The following TRHDE variants were observed in gnomAD, a reference collection of about 807,000 sequenced individuals.
TRHDE encodes the protein thyrotropin releasing hormone degrading enzyme.
In TRHDE, 72 loss-of-function variants were observed where a neutral mutation model predicts 125.7. That is an observed-to-expected ratio of 0.57 (90% CI 0.47 to 0.70). The LOEUF is 0.70. Ranked by LOEUF, TRHDE falls within the 30% of genes least tolerant of loss-of-function variation. The pLI, the probability that TRHDE is intolerant of heterozygous loss-of-function variation, is 0.00. For missense variants in TRHDE, 1,110 were observed against 1,327.1 expected (o/e 0.84, Z 2.54); for synonymous variants, 509 against 509.1 (o/e 1.00, Z 0.00).
intron 3 of TRHDE, among the ~76,000 whole-genome samples, chr12:72,404,045 A>G (rs1166133158): frequency 1.3e-5 from 2 of 152,164 alleles, no homozygotes; most frequent in Non-Finnish European, 2.9e-5. Flanking sequence ...CTGTGTTTCT[A>G]TGATATGAGT....
At chr12:72,167,771 T>C (rs1876784407) in intron 2 of TRHDE, 1 of 152,230 alleles carries the variant, frequency 6.6e-6, no homozygotes, top group Admixed American at 6.5e-5. Context: ...GAAAATGTAA[T>C]GGGAGACATG....
intron 2 of TRHDE, among the ~76,000 whole-genome samples, chr12:72,108,580 A>G (rs567441974): frequency 5.8e-4 from 88 of 152,196 alleles, no homozygotes; most frequent in Non-Finnish European, 1.1e-3. Flanking sequence ...AGTTGCATTA[A>G]TGGAGGGCAA....
At chr12:72,575,964 C>T (rs1280075667) in intron 12 of TRHDE, among the ~76,000 whole-genome samples, 1 of 152,062 alleles carries the variant, frequency 6.6e-6, no homozygotes, top group African/African-American at 2.4e-5. Flanking sequence ...TGCTGCAAAA[C>T]AGAATTAAAT....
intron 2 of TRHDE, among the ~76,000 whole-genome samples, chr12:72,185,194 T>C (rs1877179217): frequency 2.0e-5 from 3 of 152,182 alleles, no homozygotes; most frequent in Admixed American, 6.5e-5. Flanking sequence ...CCCGGGCCAG[T>C]GGCTCCGGAG....
intron 3 of TRHDE, among the ~76,000 whole-genome samples, chr12:72,457,908 C>G (rs1261504309): frequency 6.6e-6 from 1 of 150,380 alleles, no homozygotes; most frequent in African/African-American, 2.4e-5. Flanking sequence ...TTTTCATACT[C>G]CCTTCTACTG....
At chr12:72,089,305 C>T (rs1451692524) in intron 1 of TRHDE, among the ~76,000 whole-genome samples, 1 of 152,184 alleles carries the variant, frequency 6.6e-6, no homozygotes, top group Admixed American at 6.5e-5. Context: ...CCAGAGAGAT[C>T]TTTAAAGACG....
Position 72,272,829 on chromosome 12 carries a change from C to A in TRHDE, c.186C>A (p.Asp62Glu), listed in dbSNP as rs374101133. ...GGGCTGGCAGCAGGGGGCTCTCCGACCCGTGGGCAGACTCAGTGGGAGTGC... is the reference window on the plus strand; with the variant it reads ...GGGCTGGCAGCAGGGGGCTCTCCGAACCGTGGGCAGACTCAGTGGGAGTGC... ...ALRAGSRGLS[D>E]PWADSVGVRP... is the part of the protein sequence containing the mutation. The change falls in exon 1 of 19, where the codon GAC becomes GAA. Residue 62 changes from aspartate to glutamate, a missense_variant. Coordinates refer to ENST00000261180, the MANE Select transcript of TRHDE (RefSeq NM_013381.3). The surrounding 1 kb of genome is among the most constrained non-coding windows in gnomAD (Gnocchi z 6.7). 2 of 1,580,608 alleles carry A rather than the reference C, an allele frequency of 1.3e-6. No homozygotes were observed. Among genetic ancestry groups the A allele is most frequent in the Non-Finnish European group, 1.7e-6 (2 of 1,169,760 alleles).
chr12:72,103,579 A>G (rs148133625), intron 1 of TRHDE, among the ~76,000 whole-genome samples: 1 of 152,246 alleles, frequency 6.6e-6, no homozygotes, highest in African/African-American at 2.4e-5. Context: ...CATGAGGAAT[A>G]GAGGCATCTA....
chr12:72,541,730 A>T (rs996609695), intron 6 of TRHDE, among the ~76,000 whole-genome samples: 14 of 151,428 alleles, frequency 9.2e-5, no homozygotes, highest in African/African-American at 2.9e-4. Flanking sequence ...GAGAAAAGTA[A>T]GGAGCAGAGA....
At chr12:72,599,615 G>T (rs951097293) in intron 12 of TRHDE, among the ~76,000 whole-genome samples, 17 of 152,040 alleles carry the variant, frequency 1.1e-4, no homozygotes, top group African/African-American at 4.1e-4. Flanking sequence ...CTGGATATTA[G>T]ATCTTTGTCA....
chr12:72,573,344 A>G (rs1870835472), intron 10 of TRHDE, among the ~76,000 whole-genome samples: 2 of 152,002 alleles, frequency 1.3e-5, no homozygotes, highest in Non-Finnish European at 2.9e-5. Flanking sequence ...AATTGTTTGA[A>G]TAAACACACT....
At chr12:72,575,208 T>C (rs369529432) in intron 10 of TRHDE, 47 bp from the exon 11 acceptor site, 332 of 1,589,668 alleles carry the variant, frequency 2.1e-4, no homozygotes, top group Non-Finnish European at 2.8e-4. Flanking sequence ...CTTCATTTCA[T>C]TTTAACTCTT....
At chr12:72,137,569 G>A (rs1385347099) in intron 2 of TRHDE, 1 of 152,214 alleles carries the variant, frequency 6.6e-6, no homozygotes, top group Non-Finnish European at 1.5e-5. Context: ...TTCAACAGAA[G>A]AGAGATTTGA....
intron 15 of TRHDE, among the ~76,000 whole-genome samples, chr12:72,647,616 T>A (rs956006031): frequency 2.6e-5 from 4 of 151,638 alleles, no homozygotes; most frequent in African/African-American, 9.7e-5. Flanking sequence ...GCCACAGACA[T>A]AAAGAGGATC....
chr12:72,527,689 A>AT (rs897507698), intron 6 of TRHDE, among the ~76,000 whole-genome samples: 1 of 151,978 alleles, frequency 6.6e-6, no homozygotes, highest in African/African-American at 2.4e-5. Context: ...CATTCCCATT[A>AT]TTTTTTCTTA....
At chr12:72,153,006 G>T (rs1170578216) in intron 2 of TRHDE, among the ~76,000 whole-genome samples, 1 of 152,128 alleles carries the variant, frequency 6.6e-6, no homozygotes, top group Non-Finnish European at 1.5e-5. Flanking sequence ...GTAGAATTCG[G>T]CTGTGAATCC....
At chr12:72,592,564 T>C (rs2367749) in intron 12 of TRHDE, among the ~76,000 whole-genome samples, 60,527 of 151,330 alleles carry the variant, frequency 0.4, 14,547 homozygotes, top group African/African-American at 0.67. Flanking sequence ...GATTTTTTTT[T>C]TCTCTCTCTC....
intron 3 of TRHDE, among the ~76,000 whole-genome samples, chr12:72,383,718 T>G (rs561912506): frequency 0.011 from 1,203 of 105,330 alleles, 6 homozygotes; most frequent in Middle Eastern, 0.054. Flanking sequence ...GTAATTTCTG[T>G]TTTTTTTTTT....
intron 3 of TRHDE, among the ~76,000 whole-genome samples, chr12:72,415,062 GTATT>G (rs1164569340): frequency 1.3e-5 from 2 of 152,032 alleles, no homozygotes; most frequent in African/African-American, 4.8e-5. Flanking sequence ...TCATGAATCC[GTATT>G]TTAGTATTTT....
Sources: gnomAD v4.1 joint callset for allele counts (sites outside exome capture counted in the v4.1 genomes callset) on GRCh38, gnomAD v4.1.1 for gene constraint, Gnocchi (gnomAD v3.1) non-coding constraint, MANE v1.5 for transcripts, NCBI Gene and HGNC (gene_info 2026-07-23, HGNC 2026-07-21) for gene names.